The following C3orf18 variants were observed in gnomAD, a reference collection of about 807,000 sequenced individuals.
C3orf18 encodes uncharacterized protein C3orf18.
C3orf18 carries 12 observed loss-of-function variants against 14.1 expected under a neutral mutation model. That is an observed-to-expected ratio of 0.85 (90% CI 0.55 to 1.38). The LOEUF (loss-of-function observed/expected upper bound fraction) is 1.38. C3orf18 is among the 40% of genes most tolerant of loss of function. The probability of loss-of-function intolerance (pLI) is 0.00; values close to 1 mark genes in which losing one functional copy is unlikely to be tolerated. For synonymous variants in C3orf18, 82 were observed against 87.9 expected (o/e 0.93, Z 0.38); for missense variants, 196 against 213.9 (o/e 0.92, Z 0.52).
chr3:50,561,596 A>G, intron 4 of C3orf18, 126 bp downstream of exon 4: 1 of 920,446 alleles, frequency 1.1e-6, no homozygotes, highest in Non-Finnish European at 1.7e-6. Context: ...GTCACCCCCA[A>G]CCATGAATGG....
Position 50,561,072 on chromosome 3 carries a change from T to C in C3orf18, c.261-8A>G. On this transcript the variant is annotated splice_region_variant and splice_polypyrimidine_tract_variant and intron_variant, in intron 4 of 5. Coordinates refer to ENST00000357203, the MANE Select transcript of C3orf18 (RefSeq NM_016210.5). ...TGGCGTAGCTTCTCCAGCCTGGGGA[T>C]GGGGGCAAAGGCTGCTGGGGACAGG... is the stretch of plus-strand genomic sequence containing the variant. 1.9e-6 allele frequency: 3 copies of C among 1,613,414 alleles called. No individual in the cohort carries two copies. In the South Asian group the frequency reaches 3.3e-5, roughly 18 times the overall value.
chr3:50,569,466 C>T (rs1700629589), upstream of C3orf18: 2 of 151,646 alleles, frequency 1.3e-5, no homozygotes, highest in South Asian at 4.1e-4. Context: ...AGGCGCCGAC[C>T]CCGGAAGCGG....
chr3:50,572,905 G>C (rs1028830011), upstream of C3orf18, among the ~76,000 whole-genome samples: 8 of 152,162 alleles, frequency 5.3e-5, no homozygotes, highest in African/African-American at 1.2e-4. Context: ...CGCAGACCAG[G>C]GAGTAGAGCT....
chr3:50,565,665 A>G lies in C3orf18; in HGVS notation c.35T>C (p.Phe12Ser). 1 of 1,612,486 alleles carries G rather than the reference A, an allele frequency of 6.2e-7. No homozygotes were observed. Among genetic ancestry groups the G allele is most frequent in the Non-Finnish European group, 8.5e-7 (1 of 1,179,950 alleles). ...NSRTASARGWFSSRPPTSESD... is the reference protein window; with the variant it reads ...NSRTASARGWSSSRPPTSESD... ...CTCAGAGGTGGGTGGGCGGCTGCTG[A>G]ACCAGCCCCTAGCAGATGCGGTCCT... Residue 12 changes from phenylalanine to serine, a missense_variant, in exon 3 of 6, where the codon TTC becomes TCC. By Grantham distance (155) the Phe-to-Ser change is radical. Transcript: ENST00000357203. The surrounding 1 kb of genome is among the most constrained non-coding windows in gnomAD (Gnocchi z 4.4).
At chr3:50,573,915 C>G (rs1701290429), upstream of C3orf18, among the ~76,000 whole-genome samples, 1 of 152,204 alleles carries the variant, frequency 6.6e-6, no homozygotes, top group Non-Finnish European at 1.5e-5. Context: ...ACCATTCTCA[C>G]CCAGCCTGCT....
intron 5 of C3orf18, among the ~76,000 whole-genome samples, chr3:50,560,159 G>A (rs1699878889): frequency 6.6e-6 from 1 of 152,214 alleles, no homozygotes; most frequent in Non-Finnish European, 1.5e-5. Context: ...TCTTGACCCA[G>A]GTGATGCAGA....
At position 50,558,686 on chromosome 3, in the gene C3orf18, G is replaced by A. The variant is rs540024936; in HGVS notation, c.*971C>T. ...TCATTAGAGCCCAAGACAGGGAGCC[G>A]TTTTCAGAAGCAGGTGAGCCCAGTG... On this transcript the variant is annotated 3_prime_UTR_variant, in exon 6 of 6. Transcript: ENST00000357203. The A allele has an allele frequency of 1.6e-5, 20 of 1,285,610 alleles. No individual in the cohort carries two copies. The East Asian group carries it at 2.8e-4, about 18-fold the overall frequency. The allele number at this position is 1,285,610 out of a possible 1,614,324, so 79.6% of individuals were successfully genotyped here.
chr3:50,564,889 A>T (rs1700194517), intron 3 of C3orf18, among the ~76,000 whole-genome samples: 2 of 152,174 alleles, frequency 1.3e-5, no homozygotes. Flanking sequence ...GTCTGCCTCC[A>T]AACTTTTGCC....
chr3:50,564,227 G>A (rs1368066742), intron 3 of C3orf18, among the ~76,000 whole-genome samples: 1 of 152,236 alleles, frequency 6.6e-6, no homozygotes, highest in Non-Finnish European at 1.5e-5. Flanking sequence ...ACCATTGCCA[G>A]GCATACTGGG....
rs118103718 is a variant in C3orf18, at chr3:50,559,393, T to C, written c.*264A>G. ...GGGATGAGGAAGCCAGCAGAGGCTCTTGACCTTCTCAGCATGAGGGATGCC... is the reference window on the plus strand; with the variant it reads ...GGGATGAGGAAGCCAGCAGAGGCTCCTGACCTTCTCAGCATGAGGGATGCC... On this transcript the variant is annotated 3_prime_UTR_variant, in exon 6 of 6. Transcript: ENST00000357203. 0.015 allele frequency: 20,244 copies of C among 1,361,278 alleles called. 290 individuals carry two copies. Among genetic ancestry groups the C allele is most frequent in the Middle Eastern group, 0.053 (203 of 3,832 alleles). The allele number at this position is 1,361,278 out of a possible 1,614,324, so 84.3% of individuals were successfully genotyped here.
At position 50,565,271 on chromosome 3, in the gene C3orf18, G is replaced by A. The variant is rs1700220721; in HGVS notation, c.234+195C>T. On this transcript the variant is annotated intron_variant, in intron 3 of 5. Transcript: ENST00000357203. This position sits in a 1 kb window ranked among gnomAD's most constrained non-coding sequence, Gnocchi z 4.4. Reference sequence around the variant, plus strand: ...AATCCCAGCTACTTGGGAGGCTGAGGCAGGAGACTCGATTAAGCCCCAGAG... The same window carrying A: ...AATCCCAGCTACTTGGGAGGCTGAGACAGGAGACTCGATTAAGCCCCAGAG... The A allele has an allele frequency of 5.2e-6, 3 of 572,278 alleles. No individual in the cohort carries two copies. Among genetic ancestry groups the A allele is most frequent in the Non-Finnish European group, 9.4e-6 (3 of 320,664 alleles). The allele number at this position is 572,278 out of a possible 1,614,324, so 35.5% of individuals were successfully genotyped here.
chr3:50,565,706 G>A lies in C3orf18; in HGVS notation c.-7C>T. 1.2e-6 allele frequency: 2 copies of A among 1,601,240 alleles called. No homozygotes were observed. Among genetic ancestry groups the A allele is most frequent in the Non-Finnish European group, 1.7e-6 (2 of 1,174,702 alleles). On this transcript the variant is annotated 5_prime_UTR_variant, in exon 3 of 6. Transcript: ENST00000357203. This position sits in a 1 kb window ranked among gnomAD's most constrained non-coding sequence, Gnocchi z 4.4. ...ATGCGGTCCTGGAGTTCATGCTGATGCGGAGAGGGCCCTGGCTGAGAGGCT... is the reference window on the plus strand; with the variant it reads ...ATGCGGTCCTGGAGTTCATGCTGATACGGAGAGGGCCCTGGCTGAGAGGCT...
At chr3:50,573,495 AG>A (rs1212134103), upstream of C3orf18, among the ~76,000 whole-genome samples, 6 of 152,246 alleles carry the variant, frequency 3.9e-5, no homozygotes, top group African/African-American at 1.4e-4. Flanking sequence ...CATATGTGCC[AG>A]GGTTCTGAGT....
upstream of C3orf18, among the ~76,000 whole-genome samples, chr3:50,572,787 A>C (rs1701155230): frequency 6.6e-6 from 1 of 152,184 alleles, no homozygotes; most frequent in Admixed American, 6.5e-5. Flanking sequence ...GTGTGGCGCA[A>C]GTGTGTTATC....
At chr3:50,564,621 T>C (rs1042299481) in intron 3 of C3orf18, among the ~76,000 whole-genome samples, 2 of 152,114 alleles carry the variant, frequency 1.3e-5, no homozygotes, top group African/African-American at 2.4e-5. Flanking sequence ...TGTTTCCCAC[T>C]CCCTGTAAGA....
Position 50,565,743 on chromosome 3 carries a change from G to T in C3orf18, c.-44C>A. On this transcript the variant is annotated 5_prime_UTR_variant, in exon 3 of 6. The change creates a new upstream start codon in the 5' untranslated region. Coordinates refer to ENST00000357203, the MANE Select transcript of C3orf18 (RefSeq NM_016210.5). The surrounding 1 kb of genome is among the most constrained non-coding windows in gnomAD (Gnocchi z 4.4). The stretch of plus-strand genomic sequence containing the variant: ...CTGGCTGAGAGGCTGCCTGATGCCA[G>T]TCAACCTGCCCACTCACTCCTGACT... The T allele has an allele frequency of 6.8e-7, 1 of 1,478,090 alleles. No homozygotes were observed. Among genetic ancestry groups the T allele is most frequent in the Non-Finnish European group, 9.3e-7 (1 of 1,080,922 alleles). 91.6% of individuals were successfully genotyped at this position (1,478,090 alleles called of 1,614,324 possible). A position where few individuals can be genotyped will look rare whatever the true frequency, so the allele number is the denominator to read the frequency against.
At chr3:50,564,504 G>T (rs1193668879) in intron 3 of C3orf18, among the ~76,000 whole-genome samples, 1 of 152,068 alleles carries the variant, frequency 6.6e-6, no homozygotes, top group Non-Finnish European at 1.5e-5. Flanking sequence ...CTCTAATTTT[G>T]CTCCTCAGCT....
chr3:50,565,410 G>A lies in C3orf18; in HGVS notation c.234+56C>T. The A allele has an allele frequency of 7.8e-7, 1 of 1,280,816 alleles. No individual in the cohort carries two copies. Among genetic ancestry groups the A allele is most frequent in the Non-Finnish European group, 1.1e-6 (1 of 892,058 alleles). 79.3% of individuals were successfully genotyped at this position (1,280,816 alleles called of 1,614,324 possible). On this transcript the variant is annotated intron_variant, in intron 3 of 5. Transcript: ENST00000357203. The surrounding 1 kb of genome is among the most constrained non-coding windows in gnomAD (Gnocchi z 4.4). ...AACCAGATTGTCTTCTGATTGATTA[G>A]GTTCTCTATAAATCTAAACACTGAT...
At chr3:50,574,383 C>G (rs568515584), upstream of C3orf18, among the ~76,000 whole-genome samples, 1 of 152,318 alleles carries the variant, frequency 6.6e-6, no homozygotes, top group African/African-American at 2.4e-5. Context: ...TTCCGGTGCT[C>G]TGGAGTGTTA....
Sources: allele counts gnomAD v4.1 joint callset (sites outside exome capture counted in the v4.1 genomes callset), GRCh38; gene constraint gnomAD v4.1.1; non-coding constraint Gnocchi (gnomAD v3.1); transcripts MANE v1.5; gene names NCBI Gene and HGNC (gene_info 2026-07-23, HGNC 2026-07-21).